The following HPSE2 variants were observed in gnomAD, a reference collection of about 807,000 sequenced individuals.
The protein encoded by HPSE2 is inactive heparanase-2.
HPSE2 carries 38 observed loss-of-function variants against 60.5 expected under a neutral mutation model. The ratio of observed to expected loss-of-function variants is 0.63; its 90% CI spans 0.48 to 0.82. The LOEUF (loss-of-function observed/expected upper bound fraction) is 0.82. Among genes scored for constraint, HPSE2 ranks in the 40% least tolerant of loss-of-function variants. The pLI is 0.00. For missense variants in HPSE2, 713 were observed against 740.4 expected (o/e 0.96, Z 0.43); for synonymous variants, 295 against 293.2 (o/e 1.01, Z -0.06).
intron 9 of HPSE2, among the ~76,000 whole-genome samples, chr10:98,527,580 A>T (rs1253364496): frequency 6.6e-6 from 1 of 152,072 alleles, no homozygotes; most frequent in Non-Finnish European, 1.5e-5. Flanking sequence ...ATCTTTACCT[A>T]TTTAAAGTGG....
chr10:98,757,779 A>G (rs1481371268), intron 3 of HPSE2, among the ~76,000 whole-genome samples: 2 of 152,224 alleles, frequency 1.3e-5, no homozygotes, highest in Non-Finnish European at 2.9e-5. Flanking sequence ...AGCAATTTAC[A>G]GATCCAGTGC....
chr10:99,011,669 T>C (rs1049052609), intron 3 of HPSE2, among the ~76,000 whole-genome samples: 2 of 149,138 alleles, frequency 1.3e-5, no homozygotes, highest in African/African-American at 2.5e-5. Context: ...GGCAGGAGAA[T>C]TGCTTGAACC....
At chr10:98,742,792 T>TACACACACACACACACACACAC (rs71009713) in intron 4 of HPSE2, among the ~76,000 whole-genome samples, 1 of 147,238 alleles carries the variant, frequency 6.8e-6, no homozygotes, top group South Asian at 2.2e-4. Flanking sequence ...CACACATACA[T>TACACACACACACACACACACAC]ACACACACAC....
rs1283842003 is a variant in HPSE2 at position 99,212,337 on chromosome 10, T to C, written c.448+20011A>G. On this transcript the variant is annotated intron_variant, in intron 2 of 11. Coordinates refer to ENST00000370552, the MANE Select transcript of HPSE2 (RefSeq NM_021828.5). ...ATATACATAGGAAATGAAATCACTA[T>C]GTCAAACAGATAGCTGCACTTCCAT... Among the ~76,000 whole-genome samples the C allele has an allele frequency of 2.6e-5, 4 of 152,106 alleles. No individual in the cohort carries two copies. The East Asian group carries it at 5.8e-4, about 22-fold the overall frequency.
At chr10:99,081,089 C>T (rs1274818627) in intron 3 of HPSE2, among the ~76,000 whole-genome samples, 5 of 152,154 alleles carry the variant, frequency 3.3e-5, no homozygotes, top group Non-Finnish European at 7.3e-5. Context: ...CCACCACACC[C>T]GGCCTCAGGC....
At chr10:98,720,142 A>T (rs961596266) in intron 5 of HPSE2, among the ~76,000 whole-genome samples, 1 of 152,144 alleles carries the variant, frequency 6.6e-6, no homozygotes, top group African/African-American at 2.4e-5. Context: ...ATAAAAATGA[A>T]AAGAAAATGG....
intron 5 of HPSE2, among the ~76,000 whole-genome samples, chr10:98,697,795 C>A (rs1241356704): frequency 3.3e-5 from 5 of 152,164 alleles, no homozygotes; most frequent in Middle Eastern, 3.2e-3. Context: ...TACAATCAGA[C>A]TAACAGTGGT....
chr10:98,550,009 C>T (rs182936619), intron 9 of HPSE2, among the ~76,000 whole-genome samples: 67 of 152,306 alleles, frequency 4.4e-4, no homozygotes, highest in Non-Finnish European at 1.2e-4. Context: ...GTCATTTGCA[C>T]CTGCATTTCT....
At chr10:98,611,425 G>T (rs2133968085) in intron 9 of HPSE2, among the ~76,000 whole-genome samples, 1 of 152,294 alleles carries the variant, frequency 6.6e-6, no homozygotes, top group Non-Finnish European at 1.5e-5. Flanking sequence ...ATAAGGCCAG[G>T]ATGTTCACTT....
intron 3 of HPSE2, among the ~76,000 whole-genome samples, chr10:98,896,101 GA>G (rs572586473): frequency 4.4e-4 from 65 of 146,996 alleles, no homozygotes; most frequent in African/African-American, 6.7e-4. Context: ...TTAAAAAAAA[GA>G]AAAAAAAAAC....
chr10:98,755,681 A>C (rs987378863), intron 3 of HPSE2, among the ~76,000 whole-genome samples: 1 of 152,196 alleles, frequency 6.6e-6, no homozygotes, highest in Middle Eastern at 3.2e-3. Flanking sequence ...ACCACAGTGC[A>C]ATACAAATAG....
intron 3 of HPSE2, among the ~76,000 whole-genome samples, chr10:98,843,021 A>G (rs1951952929): frequency 6.6e-6 from 1 of 151,998 alleles, no homozygotes; most frequent in African/African-American, 2.4e-5. Flanking sequence ...TCGTGGCTTG[A>G]TAGCTCACTT....
rs552014121 is a variant in HPSE2, at chr10:98,853,113, T to C, written c.611-109057A>G. Among the ~76,000 whole-genome samples, 7 of 152,338 alleles carry C rather than the reference T, an allele frequency of 4.6e-5. No individual in the cohort carries two copies. In the East Asian group the frequency reaches 1.3e-3, roughly 29 times the overall value. ...TGTCACAGAGACATTTTCATAAATA[T>C]CTTTGTCATTAATCTTCTTTGAAAA... is the stretch of plus-strand genomic sequence containing the variant. On this transcript the variant is annotated intron_variant, in intron 3 of 11. Coordinates refer to ENST00000370552, the MANE Select transcript of HPSE2 (RefSeq NM_021828.5).
At chr10:98,944,241 A>C (rs1485546567) in intron 3 of HPSE2, among the ~76,000 whole-genome samples, 2 of 152,136 alleles carry the variant, frequency 1.3e-5, no homozygotes, top group Non-Finnish European at 2.9e-5. Flanking sequence ...GACAGTATCT[A>C]AAGCAGCAGA....
In HPSE2 at chr10:98,490,053, G is replaced by A. The variant is rs1941584975; in HGVS notation, c.1464C>T (p.His488=). Residue 488 remains histidine (H), a splice_region_variant and synonymous_variant, in exon 10 of 12, where the codon CAC becomes CAT. Transcript: ENST00000370552. ...CTGCCATCTTTCTGAGGACTTACTT[G>A]TGGTGGTTTGTGCAGTGAGCATAAA... ...LRIYAHCTNH[H]NHNYVRGSIT... 2.5e-6 allele frequency: 4 copies of A among 1,614,092 alleles called. No individual in the cohort carries two copies. The highest frequency in any genetic ancestry group is 3.4e-6 in the Non-Finnish European group (4 of 1,179,962).
At chr10:98,466,176 A>G (rs1940520902) in intron 11 of HPSE2, among the ~76,000 whole-genome samples, 1 of 152,146 alleles carries the variant, frequency 6.6e-6, no homozygotes, top group Admixed American at 6.5e-5. Flanking sequence ...GCTTGAAGAT[A>G]ATTTTCTGGA....
At chr10:99,042,302 G>A (rs192542882) in intron 3 of HPSE2, among the ~76,000 whole-genome samples, 7 of 151,956 alleles carry the variant, frequency 4.6e-5, no homozygotes, top group African/African-American at 4.8e-5. Context: ...CAGACAAGGC[G>A]TCCCTGGCTT....
intron 2 of HPSE2, among the ~76,000 whole-genome samples, chr10:99,170,142 G>C (rs754207437): frequency 4.6e-5 from 7 of 152,060 alleles, no homozygotes; most frequent in Non-Finnish European, 1.0e-4. Flanking sequence ...CTGGGGCTAG[G>C]GATGAAGTGA....
intron 6 of HPSE2, among the ~76,000 whole-genome samples, chr10:98,683,487 G>C (rs1395016223): frequency 3.3e-5 from 5 of 151,902 alleles, no homozygotes; most frequent in Non-Finnish European, 5.9e-5. Context: ...TATCTTCAGA[G>C]AGAAAATAGA....
Sources: allele counts gnomAD v4.1 joint callset (sites outside exome capture counted in the v4.1 genomes callset), GRCh38; gene constraint gnomAD v4.1.1; transcripts MANE v1.5; gene names NCBI Gene and HGNC (gene_info 2026-07-23, HGNC 2026-07-21).